The following EYS variants were observed in gnomAD, a reference collection of about 807,000 sequenced individuals.
EYS encodes the protein protein eyes shut homolog.
A neutral mutation model predicts 282.1 loss-of-function variants in EYS; 250 were observed. That is an observed-to-expected ratio of 0.89 (90% CI 0.80 to 0.98). EYS has a LOEUF of 0.98. EYS is among the 50% of genes least tolerant of loss of function. The pLI, the probability that EYS is intolerant of heterozygous loss-of-function variation, is 0.00. For synonymous variants in EYS, 1,355 were observed against 1,282.9 expected, an observed-to-expected ratio of 1.06 and a Z score of -1.20; for missense variants, 4,016 against 3,709.0, an observed-to-expected ratio of 1.08 and a Z score of -2.15.
chr6:65,690,246 A>G (rs889648895), intron 1 of EYS, among the ~76,000 whole-genome samples: 6 of 150,180 alleles, frequency 4.0e-5, no homozygotes, highest in Non-Finnish European at 5.9e-5. Context: ...GCTGGTTACA[A>G]ACAATCCATA....
chr6:64,380,800 G>T lies in EYS; in HGVS notation c.6078+7890C>A, dbSNP rs1175738985. ...TGGGAGTCCAAGGCAGGTGGATCGTGAAGTCAGGAGTTCGAGACCAGCCTT... is the reference window on the plus strand; with the variant it reads ...TGGGAGTCCAAGGCAGGTGGATCGTTAAGTCAGGAGTTCGAGACCAGCCTT... On this transcript the variant is annotated intron_variant, in intron 29 of 42. Coordinates refer to ENST00000503581, the MANE Select transcript of EYS (RefSeq NM_001142800.2). Among the ~76,000 whole-genome samples the T allele has an allele frequency of 4.6e-5, 7 of 152,248 alleles. No homozygotes were observed. In the East Asian group the frequency reaches 1.4e-3, roughly 29 times the overall value.
At chr6:64,636,543 G>T (rs568040545) in intron 22 of EYS, among the ~76,000 whole-genome samples, 2 of 152,252 alleles carry the variant, frequency 1.3e-5, no homozygotes, top group East Asian at 3.9e-4. Context: ...AGGACTTCAT[G>T]TCTAAAACAC....
At chr6:65,281,921 T>C (rs548852099) in intron 12 of EYS, among the ~76,000 whole-genome samples, 14 of 152,254 alleles carry the variant, frequency 9.2e-5, no homozygotes, top group African/African-American at 3.4e-4. Context: ...TACATCTATG[T>C]TAAAATTTTT....
chr6:65,238,130 T>C (rs1156488489), intron 12 of EYS, among the ~76,000 whole-genome samples: 3 of 151,870 alleles, frequency 2.0e-5, no homozygotes. Context: ...GTGAATACTA[T>C]ATTATACAAA....
chr6:63,996,347 GT>G lies in EYS; in HGVS notation c.6834+2727del, dbSNP rs1767834881. 2.0e-5 allele frequency among the ~76,000 whole-genome samples: 3 copies of G among 151,930 alleles called. No individual in the cohort carries two copies. In the South Asian group the frequency reaches 6.2e-4, roughly 31 times the overall value. On this transcript the variant is annotated intron_variant, in intron 34 of 42. Transcript: ENST00000503581. The stretch of plus-strand genomic sequence containing the variant: ...AAAGTTGCTCTTCAATGACTATAGA[GT>G]TTCAGATAAGAAGAAAAAGTTCTAG...
chr6:63,999,344 A>C (rs1767974560), intron 33 of EYS, among the ~76,000 whole-genome samples, 161 bp from the exon 34 acceptor site: 1 of 152,248 alleles, frequency 6.6e-6, no homozygotes, highest in African/African-American at 2.4e-5. Flanking sequence ...TTTCAAGTAG[A>C]TAAAAGATGT....
Position 63,984,416 on chromosome 6 carries a change from T to G in EYS, c.7022A>C (p.His2341Pro). 6.5e-7 allele frequency: 1 copy of G among 1,549,516 alleles called. No homozygotes were observed. Among genetic ancestry groups the G allele is most frequent in the Non-Finnish European group, 8.7e-7 (1 of 1,145,442 alleles). Residue 2341 changes from histidine to proline, a missense_variant, in exon 35 of 43, where the codon CAT becomes CCT. By Grantham distance (77) the His-to-Pro change is moderately conservative. Transcript: ENST00000503581. ...IENCHVPWCA[H>P]HLCRNNGTCI... ...GGTGCCATTGTTGCGGCACAGATGA[T>G]GAGCACACCAAGGGACGTGGCAGTT... is the stretch of plus-strand genomic sequence containing the variant.
chr6:64,676,807 T>C (rs1769704250), intron 22 of EYS, among the ~76,000 whole-genome samples: 1 of 152,134 alleles, frequency 6.6e-6, no homozygotes, highest in Admixed American at 6.6e-5. Flanking sequence ...ACAGGAGCTC[T>C]CTCTGGTCTT....
chr6:64,846,995 C>T (rs541293139), intron 19 of EYS, among the ~76,000 whole-genome samples: 78 of 135,516 alleles, frequency 5.8e-4, no homozygotes, highest in Non-Finnish European at 1.1e-3. Context: ...CTGAGTAAAG[C>T]ATATTATCCT....
chr6:65,613,367 A>T (rs1766069945), intron 2 of EYS, among the ~76,000 whole-genome samples: 4 of 151,876 alleles, frequency 2.6e-5, no homozygotes, highest in African/African-American at 9.7e-5. Context: ...TTCTTCAAGC[A>T]ATCTTGTCAA....
intron 29 of EYS, among the ~76,000 whole-genome samples, chr6:64,354,562 G>T (rs963239734): frequency 6.6e-6 from 1 of 151,444 alleles, no homozygotes; most frequent in Non-Finnish European, 1.5e-5. Flanking sequence ...TGGAAAAATA[G>T]CCATGATTTT....
intron 36 of EYS, among the ~76,000 whole-genome samples, chr6:63,814,296 A>G (rs1393955250): frequency 1.3e-5 from 2 of 152,226 alleles, no homozygotes; most frequent in Non-Finnish European, 2.9e-5. Context: ...GGTAGCCTGC[A>G]CAGAAAACAT....
chr6:65,377,923 AC>A (rs1765440733), intron 8 of EYS, among the ~76,000 whole-genome samples: 1 of 152,118 alleles, frequency 6.6e-6, no homozygotes, highest in South Asian at 2.1e-4. Flanking sequence ...TACCCTACCA[AC>A]CAAAAAAAGC....
At chr6:64,662,116 A>G (rs1423531491) in intron 22 of EYS, among the ~76,000 whole-genome samples, 1 of 151,526 alleles carries the variant, frequency 6.6e-6, no homozygotes, top group Non-Finnish European at 1.5e-5. Flanking sequence ...CATCATTCTC[A>G]GCAAACTATC....
At chr6:64,050,971 T>C (rs1357536621) in intron 33 of EYS, among the ~76,000 whole-genome samples, 3 of 152,212 alleles carry the variant, frequency 2.0e-5, no homozygotes, top group African/African-American at 7.2e-5. Flanking sequence ...AATCTCACTT[T>C]TGTTATGCAT....
chr6:64,215,154 T>C (rs1218532057), intron 31 of EYS, among the ~76,000 whole-genome samples: 1 of 152,022 alleles, frequency 6.6e-6, no homozygotes, highest in Non-Finnish European at 1.5e-5. Context: ...TATTTATGAA[T>C]ATATGAAATA....
chr6:64,689,380 A>G (rs1417440728), intron 22 of EYS, among the ~76,000 whole-genome samples: 1 of 152,286 alleles, frequency 6.6e-6, no homozygotes, highest in Non-Finnish European at 1.5e-5. Context: ...CAATATCATG[A>G]AAATGGCCAT....
At chr6:64,766,640 A>C (rs1347582125) in intron 22 of EYS, among the ~76,000 whole-genome samples, 2 of 31,760 alleles carry the variant, frequency 6.3e-5, no homozygotes, top group African/African-American at 2.4e-4. Flanking sequence ...TCAAAAAAAA[A>C]AAAAAAAAAA....
At chr6:64,585,903 A>G (rs985245076) in intron 26 of EYS, among the ~76,000 whole-genome samples, 1 of 152,134 alleles carries the variant, frequency 6.6e-6, no homozygotes, top group Non-Finnish European at 1.5e-5. Context: ...TTAACAGCCT[A>G]CATTTCTGAG....
Sources: allele counts gnomAD v4.1 joint callset (sites outside exome capture counted in the v4.1 genomes callset), GRCh38; gene constraint gnomAD v4.1.1; transcripts MANE v1.5; gene names NCBI Gene and HGNC (gene_info 2026-07-23, HGNC 2026-07-21).